Variants in SKAP2 observed in about 807,000 individuals in gnomAD.
The protein encoded by SKAP2 is src kinase associated phosphoprotein 2.
Under a neutral mutation model 54.9 loss-of-function variants are expected in SKAP2, and 28 were observed. That is an observed-to-expected ratio of 0.51 (90% CI 0.38 to 0.70). The LOEUF (loss-of-function observed/expected upper bound fraction) is 0.70, where lower values mean the gene tolerates loss of function less well. Among genes scored for constraint, SKAP2 ranks in the 30% least tolerant of loss-of-function variants. The pLI is 0.00. For missense variants in SKAP2, 356 were observed against 424.1 expected (o/e 0.84, Z 1.41); for synonymous variants, 137 against 134.3 (o/e 1.02, Z -0.14).
At chr7:26,749,745 CAAT>C (rs68049436) in intron 4 of SKAP2, among the ~76,000 whole-genome samples, 6,641 of 144,668 alleles carry the variant, frequency 0.046, 184 homozygotes, top group Non-Finnish European at 0.057. Flanking sequence ...CAAATAATAA[CAAT>C]AATAATAATA....
At chr7:26,850,227 G>A (rs908310648) in intron 3 of SKAP2, among the ~76,000 whole-genome samples, 6 of 152,050 alleles carry the variant, frequency 3.9e-5, no homozygotes, top group African/African-American at 1.4e-4. Context: ...GCCTAAATTC[G>A]GGAGGATACT....
intron 4 of SKAP2, among the ~76,000 whole-genome samples, chr7:26,750,932 G>C (rs940413883): frequency 1.3e-5 from 2 of 151,966 alleles, no homozygotes; most frequent in Non-Finnish European, 2.9e-5. Flanking sequence ...ACTTACTTTT[G>C]CAACAGCTTT....
intron 1 of SKAP2, among the ~76,000 whole-genome samples, chr7:26,861,744 A>C (rs1785277238): frequency 6.6e-6 from 1 of 151,752 alleles, no homozygotes; most frequent in Admixed American, 6.6e-5. Flanking sequence ...ATAAAGAGAA[A>C]GAAAAATAAT....
intron 4 of SKAP2, among the ~76,000 whole-genome samples, chr7:26,776,127 G>A (rs1255948820): frequency 6.6e-6 from 1 of 151,906 alleles, no homozygotes; most frequent in Non-Finnish European, 1.5e-5. Context: ...CTTCTCCTTT[G>A]GCTTCTAGTC....
intron 3 of SKAP2, among the ~76,000 whole-genome samples, chr7:26,850,624 A>C (rs1041232818): frequency 1.3e-5 from 2 of 151,984 alleles, no homozygotes; most frequent in African/African-American, 4.8e-5. Flanking sequence ...AAAAGAAAAA[A>C]AGAAACTAGG....
chr7:26,832,848 A>G (rs546606074), intron 4 of SKAP2, among the ~76,000 whole-genome samples: 1 of 152,268 alleles, frequency 6.6e-6, no homozygotes, highest in Admixed American at 6.5e-5. Context: ...AGACTCAGAG[A>G]TGCTACAAGC....
intron 8 of SKAP2, 39 bp from the exon 9 acceptor site, chr7:26,725,604 G>T (rs1490949890): frequency 2.0e-6 from 3 of 1,505,462 alleles, no homozygotes; most frequent in Non-Finnish European, 2.7e-6. Flanking sequence ...TTAAAAGAAT[G>T]CAGAAGATAT....
chr7:26,732,857 C>A (rs1787849354), intron 6 of SKAP2, among the ~76,000 whole-genome samples: 1 of 152,148 alleles, frequency 6.6e-6, no homozygotes, highest in South Asian at 2.1e-4. Flanking sequence ...GGTCATCAGA[C>A]CCTTAGTAAA....
the SKAP2 span, among the ~76,000 whole-genome samples, chr7:26,661,993 G>A: frequency 6.6e-6 from 1 of 152,062 alleles, no homozygotes; most frequent in Non-Finnish European, 1.5e-5. Context: ...CTTATTCTAG[G>A]GCACAAGGCA....
intron 4 of SKAP2, among the ~76,000 whole-genome samples, chr7:26,776,644 T>C (rs1024422877): frequency 5.3e-5 from 8 of 152,176 alleles, no homozygotes; most frequent in African/African-American, 1.9e-4. Context: ...TACTCCTCAC[T>C]ACCATTTCTT....
At position 26,739,920 on chromosome 7, in the gene SKAP2, G is replaced by A; in HGVS notation, c.352C>T (p.Leu118=). The change falls in exon 5 of 13, where the codon CTA becomes TTA. Residue 118 remains leucine (L), a synonymous_variant. Coordinates refer to ENST00000345317, the MANE Select transcript of SKAP2 (RefSeq NM_003930.5). ...PIAAQDLPFV[L]KAGYLEKRRK... is the part of the protein sequence containing the mutation. ...CGTTTTTCAAGGTAGCCAGCCTTTA[G>A]AACAAAAGGAAGGTCTTGTGCTGCA... 1 of 1,611,600 alleles carries A rather than the reference G, an allele frequency of 6.2e-7. No individual in the cohort carries two copies. Among genetic ancestry groups the A allele is most frequent in the Non-Finnish European group, 8.5e-7 (1 of 1,179,140 alleles).
chr7:26,778,242 C>T (rs914332568), intron 4 of SKAP2, among the ~76,000 whole-genome samples: 8 of 152,058 alleles, frequency 5.3e-5, no homozygotes, highest in African/African-American at 1.7e-4. Flanking sequence ...TAAAAGAACA[C>T]GGCTGGGTTT....
chr7:26,847,493 G>C (rs591895), intron 3 of SKAP2, among the ~76,000 whole-genome samples: 2 of 151,716 alleles, frequency 1.3e-5, no homozygotes, highest in Non-Finnish European at 2.9e-5. Flanking sequence ...CAAAGACTTC[G>C]ATAAATTAAA....
intron 4 of SKAP2, among the ~76,000 whole-genome samples, chr7:26,781,659 A>G (rs1783426711): frequency 6.6e-6 from 1 of 152,188 alleles, no homozygotes; most frequent in Non-Finnish European, 1.5e-5. Context: ...TAAATAAAAC[A>G]CAAGACTTTA....
At chr7:26,839,064 C>T (rs1278188031) in intron 4 of SKAP2, among the ~76,000 whole-genome samples, 4 of 152,020 alleles carry the variant, frequency 2.6e-5, no homozygotes, top group African/African-American at 4.8e-5. Flanking sequence ...TGCAGTCTTT[C>T]GTATCTAGTC....
chr7:26,815,582 G>C (rs1160546858), intron 4 of SKAP2, among the ~76,000 whole-genome samples: 1 of 152,142 alleles, frequency 6.6e-6, no homozygotes, highest in Non-Finnish European at 1.5e-5. Flanking sequence ...CAAGGAGCCA[G>C]ATGGTACTGC....
At chr7:26,698,523 A>G (rs748388403) in intron 9 of SKAP2, among the ~76,000 whole-genome samples, 4 of 152,244 alleles carry the variant, frequency 2.6e-5, no homozygotes, top group African/African-American at 4.8e-5. Flanking sequence ...CAGTTGCACT[A>G]AAGAATGTCC....
At chr7:26,708,371 CA>C (rs931843572) in intron 9 of SKAP2, among the ~76,000 whole-genome samples, 2 of 150,812 alleles carry the variant, frequency 1.3e-5, no homozygotes, top group African/African-American at 2.4e-5. Flanking sequence ...ATTGTAGGGG[CA>C]AAAAAAATGG....
At chr7:26,839,780 A>C (rs542377766) in intron 4 of SKAP2, among the ~76,000 whole-genome samples, 20 of 152,210 alleles carry the variant, frequency 1.3e-4, no homozygotes, top group Middle Eastern at 3.4e-3. Context: ...ACACAAAAAA[A>C]GTCTTCCTCA....
Sources: gnomAD v4.1 joint callset for allele counts (sites outside exome capture counted in the v4.1 genomes callset) on GRCh38, gnomAD v4.1.1 for gene constraint, MANE v1.5 for transcripts, NCBI Gene and HGNC (gene_info 2026-07-23, HGNC 2026-07-21) for gene names.